Variants in RPH3AL observed in about 807,000 individuals in gnomAD.
The protein encoded by RPH3AL is rab effector Noc2.
In RPH3AL, 38 loss-of-function variants were observed where a neutral mutation model predicts 43.1. The ratio of observed to expected loss-of-function variants is 0.88; its 90% CI spans 0.68 to 1.15. The LOEUF (loss-of-function observed/expected upper bound fraction) is 1.15. Among genes scored for constraint, RPH3AL ranks in the 50% most tolerant of loss-of-function variants. The pLI, the probability that RPH3AL is intolerant of heterozygous loss-of-function variation, is 0.00. For synonymous variants in RPH3AL, 189 were observed against 176.3 expected (o/e 1.07, Z -0.57); for missense variants, 462 against 423.2 (o/e 1.09, Z -0.81).
intron 7 of RPH3AL, among the ~76,000 whole-genome samples, chr17:238,639 G>A (rs775183581): frequency 5.9e-5 from 9 of 152,212 alleles, no homozygotes; most frequent in East Asian, 3.8e-4. Context: ...CTGCTGAACC[G>A]AAGCCGTGGC....
chr17:241,339 C>T (rs1300807493), intron 7 of RPH3AL, among the ~76,000 whole-genome samples: 4 of 151,438 alleles, frequency 2.6e-5, no homozygotes, highest in Non-Finnish European at 5.9e-5. Flanking sequence ...AAGGCTGCAG[C>T]GAGCCATGAT....
At chr17:258,338 G>A (rs1020465182) in intron 6 of RPH3AL, among the ~76,000 whole-genome samples, 1 of 152,342 alleles carries the variant, frequency 6.6e-6, no homozygotes, top group Non-Finnish European at 1.5e-5. Context: ...GCTGGCAGCT[G>A]CGGGTCGTTT....
intron 1 of RPH3AL, among the ~76,000 whole-genome samples, chr17:350,108 C>G (rs1171637884): frequency 6.6e-6 from 1 of 152,256 alleles, no homozygotes; most frequent in Non-Finnish European, 1.5e-5. Flanking sequence ...CATTTCCCTA[C>G]ACTCCATTTC....
At chr17:269,612 T>G (rs2042414372) in intron 6 of RPH3AL, among the ~76,000 whole-genome samples, 1 of 152,222 alleles carries the variant, frequency 6.6e-6, no homozygotes, top group Admixed American at 6.5e-5. Flanking sequence ...GCAAGTGACC[T>G]CTTCTCTCTA....
intron 5 of RPH3AL, among the ~76,000 whole-genome samples, chr17:315,128 T>C (rs372942158): frequency 0.084 from 2,502 of 29,936 alleles, no homozygotes; most frequent in African/African-American, 0.12. Flanking sequence ...ACCTGTAGTC[T>C]CTGTGCTCCA....
intron 7 of RPH3AL, among the ~76,000 whole-genome samples, chr17:232,829 CGT>C (rs71143481): frequency 0.027 from 3,187 of 119,302 alleles, 82 homozygotes; most frequent in African/African-American, 0.043. Flanking sequence ...TCCTTTCCGG[CGT>C]GTGTGTGTGT....
At chr17:260,082 C>G (rs1418449948) in intron 6 of RPH3AL, among the ~76,000 whole-genome samples, 1 of 152,176 alleles carries the variant, frequency 6.6e-6, no homozygotes, top group African/African-American at 2.4e-5. Flanking sequence ...GAGAGTGCAC[C>G]TGGCTTGAGC....
intron 1 of RPH3AL, among the ~76,000 whole-genome samples, chr17:337,452 C>A (rs755664088): frequency 6.6e-6 from 1 of 152,188 alleles, no homozygotes; most frequent in Non-Finnish European, 1.5e-5. Context: ...GGCTCAGCCT[C>A]GCTGGCCTCC....
intron 5 of RPH3AL, among the ~76,000 whole-genome samples, chr17:318,564 G>A (rs2044367790): frequency 6.6e-6 from 1 of 151,810 alleles, no homozygotes; most frequent in South Asian, 2.1e-4. Flanking sequence ...GGAGGAGCAG[G>A]AGTAAGAATC....
At chr17:302,646 C>T (rs537334644) in intron 5 of RPH3AL, among the ~76,000 whole-genome samples, 12 of 152,284 alleles carry the variant, frequency 7.9e-5, no homozygotes, top group South Asian at 2.1e-4. Flanking sequence ...CCGGCCCTCC[C>T]GGCTGCCACC....
chr17:292,595 C>T (rs566729811), intron 5 of RPH3AL, among the ~76,000 whole-genome samples: 6 of 152,234 alleles, frequency 3.9e-5, no homozygotes, highest in Non-Finnish European at 7.4e-5. Flanking sequence ...GCCTCGGTCC[C>T]GGGCTCCTGC....
At chr17:327,410 G>A in intron 3 of RPH3AL, 57 bp downstream of exon 3, 2 of 1,446,110 alleles carry the variant, frequency 1.4e-6, no homozygotes, top group Admixed American at 1.7e-5. Context: ...CTGAAGACAG[G>A]AGAGGAGCAG....
intron 5 of RPH3AL, among the ~76,000 whole-genome samples, chr17:316,020 G>A (rs934156517): frequency 1.4e-4 from 8 of 58,536 alleles, no homozygotes; most frequent in South Asian, 6.2e-4. Flanking sequence ...TAGTCCCTGT[G>A]CCCCCACCTC....
intron 6 of RPH3AL, 135 bp from the exon 7 acceptor site, chr17:247,420 C>T (rs979179387): frequency 1.2e-6 from 1 of 855,896 alleles, no homozygotes; most frequent in Non-Finnish European, 1.7e-6. Context: ...CTCTGCCCTC[C>T]CTGGCTGATG....
At chr17:244,031 CTCT>C (rs1280333856) in intron 7 of RPH3AL, among the ~76,000 whole-genome samples, 5 of 149,558 alleles carry the variant, frequency 3.3e-5, no homozygotes, top group East Asian at 2.0e-4. Flanking sequence ...GATTACCTTC[CTCT>C]ATTACTTTCC....
chr17:274,187 C>A lies in RPH3AL; in HGVS notation c.438+7581G>T, dbSNP rs1249255761. Among the ~76,000 whole-genome samples the A allele has an allele frequency of 1.3e-5, 2 of 152,258 alleles. No individual in the cohort carries two copies. The highest frequency in any genetic ancestry group is 6.5e-5 in the Admixed American group (1 of 15,288). On this transcript the variant is annotated intron_variant, in intron 6 of 9. Coordinates refer to ENST00000331302, the MANE Select transcript of RPH3AL (RefSeq NM_006987.4). The surrounding 1 kb of genome is among the most constrained non-coding windows in gnomAD (Gnocchi z 4.7). ...CCAGGGCCGTTCCTCCCAGCCCCAACTAACGCACCCATGAAAGCACGTGGA... is the reference window on the plus strand; with the variant it reads ...CCAGGGCCGTTCCTCCCAGCCCCAAATAACGCACCCATGAAAGCACGTGGA...
At chr17:238,810 T>A (rs1380976945) in intron 7 of RPH3AL, among the ~76,000 whole-genome samples, 1 of 152,136 alleles carries the variant, frequency 6.6e-6, no homozygotes, top group Non-Finnish European at 1.5e-5. Flanking sequence ...GTGGAGGGGA[T>A]GAACCCAGCT....
intron 5 of RPH3AL, among the ~76,000 whole-genome samples, chr17:314,362 G>T (rs895226264): frequency 6.7e-6 from 1 of 149,546 alleles, no homozygotes; most frequent in Non-Finnish European, 1.5e-5. Context: ...CCAGGCAGGA[G>T]TCACTGCCCG....
chr17:331,809 G>A (rs1217711447), intron 2 of RPH3AL: 1 of 1,289,072 alleles, frequency 7.8e-7, no homozygotes, highest in African/African-American at 1.5e-5. Context: ...GCAGGGTCCT[G>A]AAAACTCCAG....
Sources: allele counts gnomAD v4.1 joint callset (sites outside exome capture counted in the v4.1 genomes callset), GRCh38; gene constraint gnomAD v4.1.1; non-coding constraint Gnocchi (gnomAD v3.1); transcripts MANE v1.5; gene names NCBI Gene and HGNC (gene_info 2026-07-23, HGNC 2026-07-21).